Variants in HYDIN observed in about 807,000 individuals in gnomAD.
HYDIN encodes HYDIN axonemal central pair apparatus protein.
A neutral mutation model predicts 403.9 loss-of-function variants in HYDIN; 132 were observed. The ratio of observed to expected loss-of-function variants is 0.33; its 90% CI spans 0.28 to 0.38. The LOEUF (loss-of-function observed/expected upper bound fraction) is 0.38. Ranked by LOEUF, HYDIN falls within the 10% of genes least tolerant of loss-of-function variation. HYDIN has a pLI of 1.00. For missense variants in HYDIN, 2,827 were observed against 5,009.5 expected (o/e 0.56, Z 13.15); for synonymous variants, 1,202 against 1,891.7 (o/e 0.64, Z 9.46).
At position 71,033,768 on chromosome 16, in the gene HYDIN, A is replaced by G. The variant is rs1177715065; in HGVS notation, c.2530-1851T>C. On this transcript the variant is annotated intron_variant, in intron 18 of 85. Coordinates refer to ENST00000393567, the MANE Select transcript of HYDIN (RefSeq NM_001270974.2). ...TGCAACAAACCTGCACATCCTGCAC[A>G]AGTACCCTAGAACTTAAAAGAAAAT... Among the ~76,000 whole-genome samples the G allele has an allele frequency of 2.0e-5, 3 of 152,174 alleles. No homozygotes were observed. The East Asian group carries it at 5.8e-4, about 29-fold the overall frequency.
chr16:70,850,752 A>G, intron 73 of HYDIN, 97 bp from the exon 74 acceptor site: 1 of 1,191,550 alleles, frequency 8.4e-7, no homozygotes, highest in Non-Finnish European at 1.2e-6. Context: ...CACTACGAGG[A>G]AAAGGAAACT....
intron 18 of HYDIN, among the ~76,000 whole-genome samples, chr16:71,046,666 T>C (rs943482550): frequency 6.6e-6 from 1 of 152,170 alleles, no homozygotes; most frequent in African/African-American, 2.4e-5. Flanking sequence ...GAAACAGAGG[T>C]AGAATAAAAT....
At chr16:71,134,607 G>T (rs901139606) in intron 8 of HYDIN, among the ~76,000 whole-genome samples, 3 of 152,048 alleles carry the variant, frequency 2.0e-5, no homozygotes, top group Non-Finnish European at 4.4e-5. Flanking sequence ...CCTGGGACAC[G>T]ATCTGAGAAT....
intron 1 of HYDIN, among the ~76,000 whole-genome samples, chr16:71,227,041 A>C (rs374849972): frequency 2.0e-5 from 3 of 152,150 alleles, no homozygotes; most frequent in East Asian, 1.9e-4. Flanking sequence ...CTGGCATTTC[A>C]GTAACAAAAT....
intron 11 of HYDIN, among the ~76,000 whole-genome samples, chr16:71,093,194 T>C (rs1557892): frequency 6.6e-6 from 1 of 152,210 alleles, no homozygotes; most frequent in African/African-American, 2.4e-5. Flanking sequence ...TACAGTCTGA[T>C]GTAATGTAAA....
chr16:71,026,807 G>C (rs1597582228), intron 20 of HYDIN, among the ~76,000 whole-genome samples: 1 of 152,326 alleles, frequency 6.6e-6, no homozygotes, highest in Non-Finnish European at 1.5e-5. Flanking sequence ...CTTTCCAGCT[G>C]TGTCTACTGG....
In HYDIN at chr16:70,802,514, G is replaced by A. The variant is rs1402172202; in HGVS notation, c.*5066C>T. 1 of 152,166 alleles carries A rather than the reference G, an allele frequency of 6.6e-6. No individual in the cohort carries two copies. The highest frequency in any genetic ancestry group is 1.5e-5 in the Non-Finnish European group (1 of 68,038). The allele number at this position is 152,166 out of a possible 1,614,324, so 9.4% of individuals were successfully genotyped here. ...AGGAGTTTAGTCATATGGCCACAAAGGAATGAATTTTGCCAACACATTGAG... is the reference window on the plus strand; with the variant it reads ...AGGAGTTTAGTCATATGGCCACAAAAGAATGAATTTTGCCAACACATTGAG... On this transcript the variant is annotated 3_prime_UTR_variant, in exon 86 of 86. Transcript: ENST00000393567.
intron 71 of HYDIN, among the ~76,000 whole-genome samples, chr16:70,859,616 C>T (rs2039275629): frequency 6.6e-6 from 1 of 152,222 alleles, no homozygotes; most frequent in South Asian, 2.1e-4. Flanking sequence ...TTTAATTCTG[C>T]TCCATATCAT....
At chr16:71,074,845 C>T (rs1418898790) in intron 13 of HYDIN, among the ~76,000 whole-genome samples, 1 of 150,640 alleles carries the variant, frequency 6.6e-6, no homozygotes, top group Non-Finnish European at 1.5e-5. Flanking sequence ...TTGTTGGAGT[C>T]ATGAGGCTTA....
chr16:71,227,776 C>T (rs1598081323), intron 1 of HYDIN, among the ~76,000 whole-genome samples: 2 of 152,198 alleles, frequency 1.3e-5, no homozygotes, highest in East Asian at 3.8e-4. Flanking sequence ...CATCAAGCTA[C>T]CAATGACTTT....
At chr16:70,819,857 G>A (rs988632974) in intron 83 of HYDIN, among the ~76,000 whole-genome samples, 2 of 152,074 alleles carry the variant, frequency 1.3e-5, no homozygotes, top group African/African-American at 4.8e-5. Flanking sequence ...ACCCGGACTG[G>A]AGTGCAGTGG....
At chr16:71,190,190 G>A (rs942072372) in intron 1 of HYDIN, among the ~76,000 whole-genome samples, 7 of 152,006 alleles carry the variant, frequency 4.6e-5, no homozygotes, top group African/African-American at 1.7e-4. Context: ...TGGAGAAATG[G>A]GTAATTTGAG....
intron 21 of HYDIN, among the ~76,000 whole-genome samples, chr16:71,024,728 C>A (rs11075835): frequency 5.7e-5 from 8 of 140,082 alleles, no homozygotes; most frequent in Admixed American, 3.7e-4. Flanking sequence ...CCTGACCCCC[C>A]GCCCTGAGCA....
At position 71,106,626 on chromosome 16, in the gene HYDIN, C is replaced by T. The variant is rs181192177; in HGVS notation, c.1327+9070G>A. ...GTTAAATCTCATGCATCCTCAGAGG[C>T]CTCCCTTATGACCAGTAGCCTTCCC... On this transcript the variant is annotated intron_variant, in intron 10 of 85. Coordinates refer to ENST00000393567, the MANE Select transcript of HYDIN (RefSeq NM_001270974.2). 1.9e-3 allele frequency among the ~76,000 whole-genome samples: 296 copies of T among 152,206 alleles called. 6 individuals are homozygous for T. Among genetic ancestry groups the T allele is most frequent in the Admixed American group, 0.016 (251 of 15,272 alleles).
At chr16:70,942,044 T>A (rs1327403372) in intron 42 of HYDIN, among the ~76,000 whole-genome samples, 2 of 134,356 alleles carry the variant, frequency 1.5e-5, no homozygotes, top group African/African-American at 5.9e-5. Flanking sequence ...TGAGACAGAG[T>A]CTCCCTCGGT....
intron 23 of HYDIN, among the ~76,000 whole-genome samples, chr16:71,000,644 G>A (rs1359592106): frequency 6.6e-6 from 1 of 151,994 alleles, no homozygotes. Flanking sequence ...CTTGCAGGTC[G>A]ACTACAAAGG....
chr16:71,102,546 A>G (rs1170427864), intron 10 of HYDIN, among the ~76,000 whole-genome samples: 1 of 151,156 alleles, frequency 6.6e-6, no homozygotes, highest in Non-Finnish European at 1.5e-5. Flanking sequence ...TATTATAAGT[A>G]TGATATGAAT....
At chr16:70,984,665 C>T (rs867785149) in intron 28 of HYDIN, among the ~76,000 whole-genome samples, 1 of 139,776 alleles carries the variant, frequency 7.2e-6, no homozygotes, top group Non-Finnish European at 1.5e-5. Flanking sequence ...AATAATTACA[C>T]TTTAAAAATA....
intron 41 of HYDIN, among the ~76,000 whole-genome samples, chr16:70,946,823 A>G (rs532640128): frequency 6.6e-6 from 1 of 152,322 alleles, no homozygotes; most frequent in South Asian, 2.1e-4. Context: ...CATGAAATTG[A>G]GAAGCAAGAG....
Sources: allele counts gnomAD v4.1 joint callset (sites outside exome capture counted in the v4.1 genomes callset), GRCh38; gene constraint gnomAD v4.1.1; transcripts MANE v1.5; gene names NCBI Gene and HGNC (gene_info 2026-07-23, HGNC 2026-07-21).